PDE10A: variants seen among roughly 807,000 people sequenced by gnomAD.
PDE10A encodes cAMP and cAMP-inhibited cGMP 3',5'-cyclic phosphodiesterase 10A.
In PDE10A, 39 loss-of-function variants were observed where a neutral mutation model predicts 97.7. That is an observed-to-expected ratio of 0.40 (90% confidence interval 0.31 to 0.52). PDE10A has a LOEUF of 0.52. PDE10A is among the 20% of genes least tolerant of loss of function. The probability of loss-of-function intolerance (pLI) is 0.56; values close to 1 mark genes in which losing one functional copy is unlikely to be tolerated. For synonymous variants in PDE10A, 371 were observed against 376.8 expected (o/e 0.98, Z 0.18); for missense variants, 731 against 1,047.8 (o/e 0.70, Z 4.17).
At chr6:165,601,951 A>G (rs1485045286) in intron 1 of PDE10A, among the ~76,000 whole-genome samples, 2 of 152,162 alleles carry the variant, frequency 1.3e-5, no homozygotes, top group Non-Finnish European at 2.9e-5. Context: ...CATGGGAAAA[A>G]TCCTTTTTGT....
chr6:165,635,732 C>A (rs1788844250), intron 1 of PDE10A, among the ~76,000 whole-genome samples: 1 of 152,144 alleles, frequency 6.6e-6, no homozygotes, highest in Non-Finnish European at 1.5e-5. Flanking sequence ...AATAGACTAT[C>A]GTAAACACAG....
At chr6:165,777,562 T>C (rs1034862676) in intron 1 of PDE10A, among the ~76,000 whole-genome samples, 3 of 152,182 alleles carry the variant, frequency 2.0e-5, no homozygotes, top group Non-Finnish European at 2.9e-5. Flanking sequence ...GATGGTCAAA[T>C]GGTGAACTCT....
chr6:165,345,359 A>G (rs960741828), intron 18 of PDE10A, among the ~76,000 whole-genome samples: 7 of 152,258 alleles, frequency 4.6e-5, no homozygotes, highest in African/African-American at 1.2e-4. Flanking sequence ...ACTTAGACAA[A>G]GCACAAAAAA....
intron 1 of PDE10A, among the ~76,000 whole-genome samples, chr6:165,601,344 A>AT (rs1381645614): frequency 1.3e-5 from 2 of 151,954 alleles, no homozygotes; most frequent in African/African-American, 2.4e-5. Flanking sequence ...TGACTGAAGT[A>AT]TTTTTTTCTC....
At chr6:165,409,238 A>C (rs1412004931) in intron 13 of PDE10A, among the ~76,000 whole-genome samples, 1 of 150,560 alleles carries the variant, frequency 6.6e-6, no homozygotes, top group African/African-American at 2.4e-5. Flanking sequence ...TATATTTTCA[A>C]TGTATACCTT....
At chr6:165,732,873 A>G (rs999801959) in intron 1 of PDE10A, among the ~76,000 whole-genome samples, 14 of 152,116 alleles carry the variant, frequency 9.2e-5, no homozygotes, top group African/African-American at 3.4e-4. Flanking sequence ...TCCGCTGGCC[A>G]CCAAGCACAG....
chr6:165,775,485 A>T (rs188329413), intron 1 of PDE10A: 2 of 152,286 alleles, frequency 1.3e-5, no homozygotes, highest in East Asian at 3.9e-4. Context: ...TGAACTTTTC[A>T]AAGGTCATCA....
chr6:165,884,322 T>A (rs986879691), intron 1 of PDE10A, among the ~76,000 whole-genome samples: 1 of 152,228 alleles, frequency 6.6e-6, no homozygotes, highest in African/African-American at 2.4e-5. Context: ...TGTGATTGAA[T>A]AAAAGCGTCT....
intron 1 of PDE10A, among the ~76,000 whole-genome samples, chr6:165,899,793 G>A (rs1466745569): frequency 6.6e-6 from 1 of 152,374 alleles, no homozygotes; most frequent in African/African-American, 2.4e-5. Flanking sequence ...CTAAGGCAGA[G>A]CTCTGCTCTC....
chr6:165,894,308 T>A (rs1473286340), intron 1 of PDE10A: 8 of 455,918 alleles, frequency 1.8e-5, no homozygotes, highest in South Asian at 4.6e-5. Context: ...AATCTGCAGA[T>A]GACAAATTTA....
chr6:165,875,458 C>T (rs979075678), intron 1 of PDE10A, among the ~76,000 whole-genome samples: 6 of 152,246 alleles, frequency 3.9e-5, no homozygotes, highest in Non-Finnish European at 8.8e-5. Context: ...ATAGTCGTTA[C>T]AGATATTTTA....
Position 165,476,120 on chromosome 6 carries a change from A to T in PDE10A, c.1023+6195T>A, listed in dbSNP as rs527615104. Among the ~76,000 whole-genome samples the T allele has an allele frequency of 9.3e-4, 141 of 151,874 alleles. 1 individual carries two copies. Among genetic ancestry groups the T allele is most frequent in the African/African-American group, 3.0e-3 (125 of 41,414 alleles). ...AAATCACTCAAGGATAAATACATTT[A>T]AAAAAAAATCAGCAAATGACTCCTC... On this transcript the variant is annotated intron_variant, in intron 3 of 21. Transcript: ENST00000539869.
intron 18 of PDE10A, among the ~76,000 whole-genome samples, chr6:165,363,344 G>A (rs538708571): frequency 1.9e-4 from 29 of 151,800 alleles, no homozygotes; most frequent in Non-Finnish European, 2.8e-4. Context: ...GTGAAACCCC[G>A]TCTCTACTAA....
intron 1 of PDE10A, among the ~76,000 whole-genome samples, chr6:165,807,392 G>A (rs1376920675): frequency 1.4e-4 from 22 of 152,066 alleles, no homozygotes; most frequent in Admixed American, 1.4e-3. Flanking sequence ...ATAAACAGAT[G>A]CAGGGCTCCA....
chr6:165,789,488 G>T (rs960724786), intron 1 of PDE10A, among the ~76,000 whole-genome samples: 1 of 152,090 alleles, frequency 6.6e-6, no homozygotes, highest in Admixed American at 6.5e-5. Flanking sequence ...AATGTACAAT[G>T]AAAAAGTTTA....
At chr6:165,907,697 C>T (rs1283345176) in intron 1 of PDE10A, among the ~76,000 whole-genome samples, 9 of 152,316 alleles carry the variant, frequency 5.9e-5, no homozygotes, top group East Asian at 5.8e-4. Context: ...GCAGGAGGAG[C>T]GGATGCCTCA....
chr6:165,348,179 G>T (rs750571121), intron 18 of PDE10A, among the ~76,000 whole-genome samples: 5 of 152,126 alleles, frequency 3.3e-5, no homozygotes, highest in Non-Finnish European at 7.4e-5. Context: ...GAGAAATTAT[G>T]ATTTTTAAGC....
intron 1 of PDE10A, among the ~76,000 whole-genome samples, chr6:165,914,499 C>T (rs1782552069): frequency 6.6e-6 from 1 of 152,138 alleles, no homozygotes; most frequent in Non-Finnish European, 1.5e-5. Flanking sequence ...AGCTGAGAAA[C>T]AGATGCCGAA....
At chr6:165,942,762 G>C (rs117752347) in intron 1 of PDE10A, among the ~76,000 whole-genome samples, 1 of 152,236 alleles carries the variant, frequency 6.6e-6, no homozygotes, top group East Asian at 1.9e-4. Context: ...GTGCTGGTAG[G>C]TATTTACGAC....
Sources: gnomAD v4.1 joint callset for allele counts (sites outside exome capture counted in the v4.1 genomes callset) on GRCh38, gnomAD v4.1.1 for gene constraint, MANE v1.5 for transcripts, NCBI Gene and HGNC (gene_info 2026-07-23, HGNC 2026-07-21) for gene names.